Variants in MCTP1 observed in about 807,000 individuals in gnomAD.
MCTP1 encodes the protein multiple C2 and transmembrane domain containing 1, also known as multiple C2 and transmembrane domain-containing protein 1.
MCTP1 carries 69 observed loss-of-function variants against 120.6 expected under a neutral mutation model. The ratio of observed to expected loss-of-function variants is 0.57; its 90% CI spans 0.47 to 0.70. The LOEUF is 0.70. Ranked by LOEUF, MCTP1 falls within the 30% of genes least tolerant of loss-of-function variation. MCTP1 has a pLI of 0.00. For synonymous variants in MCTP1, 529 were observed against 493.1 expected (o/e 1.07, Z -0.96); for missense variants, 1,203 against 1,248.8 (o/e 0.96, Z 0.55).
chr5:94,791,361 G>A (rs1188878090), intron 18 of MCTP1, among the ~76,000 whole-genome samples: 2 of 151,694 alleles, frequency 1.3e-5, no homozygotes, highest in Admixed American at 1.3e-4. Context: ...CTGGTGCAGT[G>A]GCTCGCACCT....
At chr5:94,988,826 T>C (rs1347328227) in intron 2 of MCTP1, among the ~76,000 whole-genome samples, 3 of 152,042 alleles carry the variant, frequency 2.0e-5, no homozygotes, top group African/African-American at 7.2e-5. Context: ...AACTTACAAT[T>C]ATGGCAGAAG....
chr5:95,009,932 A>G (rs1351366923), intron 2 of MCTP1, among the ~76,000 whole-genome samples: 1 of 152,224 alleles, frequency 6.6e-6, no homozygotes, highest in Non-Finnish European at 1.5e-5. Context: ...GAGCCACTTC[A>G]GTGCCCGTTA....
At chr5:95,181,627 C>T (rs1254674017) in intron 1 of MCTP1, among the ~76,000 whole-genome samples, 1 of 152,078 alleles carries the variant, frequency 6.6e-6, no homozygotes, top group Non-Finnish European at 1.5e-5. Context: ...AGAGACAATC[C>T]TCACTTAGCA....
chr5:94,887,704 T>A (rs540182238), intron 12 of MCTP1, among the ~76,000 whole-genome samples: 1 of 152,312 alleles, frequency 6.6e-6, no homozygotes, highest in Admixed American at 6.5e-5. Context: ...ACAACTGTTA[T>A]CATCTTCTTG....
chr5:94,869,244 G>A (rs537509171), intron 16 of MCTP1, among the ~76,000 whole-genome samples: 3 of 152,086 alleles, frequency 2.0e-5, no homozygotes, highest in Admixed American at 6.6e-5. Flanking sequence ...ATAATTATAT[G>A]TCTGCAAGTT....
chr5:94,802,328 T>C (rs529392580), intron 17 of MCTP1, among the ~76,000 whole-genome samples: 7 of 152,346 alleles, frequency 4.6e-5, no homozygotes, highest in African/African-American at 1.4e-4. Context: ...AAAATGTATT[T>C]ATTGAACATA....
At chr5:95,030,542 T>C (rs1407722617) in intron 1 of MCTP1, among the ~76,000 whole-genome samples, 4 of 152,146 alleles carry the variant, frequency 2.6e-5, no homozygotes, top group Non-Finnish European at 4.4e-5. Flanking sequence ...AGCCACAGCA[T>C]AGAAGCTATA....
At chr5:94,854,029 G>A (rs973914589) in intron 17 of MCTP1, among the ~76,000 whole-genome samples, 8 of 151,772 alleles carry the variant, frequency 5.3e-5, no homozygotes, top group African/African-American at 1.9e-4. Flanking sequence ...GCCCAGACAG[G>A]TGTCTGGGAG....
chr5:95,203,284 T>C (rs1562234007), intron 1 of MCTP1, among the ~76,000 whole-genome samples: 2 of 152,218 alleles, frequency 1.3e-5, no homozygotes, highest in East Asian at 1.9e-4. Flanking sequence ...ATGTTTTCCA[T>C]TCCTGTGCTA....
intron 1 of MCTP1, among the ~76,000 whole-genome samples, chr5:95,231,275 A>C (rs1256435950): frequency 3.3e-5 from 5 of 152,166 alleles, no homozygotes; most frequent in Admixed American, 6.5e-5. Flanking sequence ...ATTATGTATA[A>C]CACCTAAGTA....
At position 94,873,254 on chromosome 5, in the gene MCTP1, T is replaced by C; in HGVS notation, c.1934-13A>G. The stretch of plus-strand genomic sequence containing the variant: ...GGGTCACTTTTTCCTACAAGAGATT[T>C]TTGGTAAATATTTTTAGTGTACATA... On this transcript the variant is annotated splice_polypyrimidine_tract_variant and intron_variant, in intron 12 of 22. Coordinates refer to ENST00000515393, the MANE Select transcript of MCTP1 (RefSeq NM_024717.7). 2 of 1,509,880 alleles carry C rather than the reference T, an allele frequency of 1.3e-6. No individual in the cohort carries two copies. The highest frequency in any genetic ancestry group is 4.5e-5 in the East Asian group (2 of 44,228). The allele number at this position is 1,509,880 out of a possible 1,614,324, so 93.5% of individuals were successfully genotyped here. A position where few individuals can be genotyped will look rare whatever the true frequency, so the allele number is the denominator to read the frequency against.
chr5:95,092,697 AG>A (rs1439288214), intron 1 of MCTP1, among the ~76,000 whole-genome samples: 1 of 151,902 alleles, frequency 6.6e-6, no homozygotes, highest in African/African-American at 2.4e-5. Flanking sequence ...AAAGAAAAAA[AG>A]AAAGAAAAAG....
At chr5:95,224,746 G>A (rs1754070853) in intron 1 of MCTP1, among the ~76,000 whole-genome samples, 1 of 152,106 alleles carries the variant, frequency 6.6e-6, no homozygotes, top group Non-Finnish European at 1.5e-5. Flanking sequence ...ATGGGCTAAA[G>A]CAATCTTCCT....
intron 1 of MCTP1, among the ~76,000 whole-genome samples, chr5:95,101,050 T>C (rs1756683787): frequency 6.6e-6 from 1 of 151,986 alleles, no homozygotes; most frequent in Non-Finnish European, 1.5e-5. Context: ...GCTGTAAGAA[T>C]ACAAGATCCA....
intron 6 of MCTP1, among the ~76,000 whole-genome samples, chr5:94,925,164 G>A (rs568915307): frequency 6.6e-6 from 1 of 152,190 alleles, no homozygotes; most frequent in South Asian, 2.1e-4. Flanking sequence ...ACCAGCCAAA[G>A]CCTTCCTTTC....
rs932299849 is a variant in MCTP1 at position 94,828,822 on chromosome 5, G to A, written c.2437-29690C>T. Among the ~76,000 whole-genome samples the A allele has an allele frequency of 3.3e-5, 5 of 152,164 alleles. No homozygotes were observed. The East Asian group carries it at 5.8e-4, about 18-fold the overall frequency. On this transcript the variant is annotated intron_variant, in intron 17 of 22. Coordinates refer to ENST00000515393, the MANE Select transcript of MCTP1 (RefSeq NM_024717.7). Reference sequence around the variant, plus strand: ...TCACTAAGCTTGAGGGTCCCAGATCGACTTCAGACTGCTGTGCTGGCAGCA... The same window carrying A: ...TCACTAAGCTTGAGGGTCCCAGATCAACTTCAGACTGCTGTGCTGGCAGCA...
In MCTP1 at chr5:95,251,449, A is replaced by T. The variant is rs73776340; in HGVS notation, c.720+32407T>A. Among the ~76,000 whole-genome samples, 947 of 152,286 alleles carry T rather than the reference A, an allele frequency of 6.2e-3. 12 individuals are homozygous for T. Among genetic ancestry groups the T allele is most frequent in the African/African-American group, 0.021 (871 of 41,548 alleles). ...GGTACAGATTTGGATTTCATGAGTC[A>T]TTATGAAAGAATGAAAGAAATTAAG... is the stretch of plus-strand genomic sequence containing the variant. On this transcript the variant is annotated intron_variant, in intron 1 of 22. Transcript: ENST00000515393.
chr5:94,886,912 T>A (rs1005633282), intron 12 of MCTP1, among the ~76,000 whole-genome samples: 3 of 152,198 alleles, frequency 2.0e-5, no homozygotes, highest in Non-Finnish European at 4.4e-5. Flanking sequence ...TTTTCAAAAG[T>A]AAAAATTATT....
intron 19 of MCTP1, among the ~76,000 whole-genome samples, chr5:94,756,552 A>T (rs1339917249): frequency 5.3e-5 from 8 of 152,232 alleles, no homozygotes; most frequent in Non-Finnish European, 7.3e-5. Context: ...AGAATGAATT[A>T]TACACATAGA....
Sources: gnomAD v4.1 joint callset for allele counts (sites outside exome capture counted in the v4.1 genomes callset) on GRCh38, gnomAD v4.1.1 for gene constraint, MANE v1.5 for transcripts, NCBI Gene and HGNC (gene_info 2026-07-23, HGNC 2026-07-21) for gene names.